Variants in NAPSA observed in about 807,000 individuals in gnomAD.
NAPSA encodes napsin A aspartic peptidase.
A neutral mutation model predicts 36.7 loss-of-function variants in NAPSA; 37 were observed. That is an observed-to-expected ratio of 1.01 (90% CI 0.78 to 1.33). NAPSA has a LOEUF of 1.33. Among genes scored for constraint, NAPSA ranks in the 40% most tolerant of loss-of-function variants. The probability of loss-of-function intolerance (pLI) is 0.00; values close to 1 mark genes in which losing one functional copy is unlikely to be tolerated. For synonymous variants in NAPSA, 222 were observed against 234.5 expected, an observed-to-expected ratio of 0.95 and a Z score of 0.49; for missense variants, 532 against 543.8, an observed-to-expected ratio of 0.98 and a Z score of 0.21.
chr19:50,361,644 A>C lies in NAPSA; in HGVS notation c.468+19T>G. 6.3e-7 allele frequency: 1 copy of C among 1,589,922 alleles called. No individual in the cohort carries two copies. Among genetic ancestry groups the C allele is most frequent in the East Asian group, 2.2e-5 (1 of 44,734 alleles). ...GGTTCTCCCAGGCTCAAGACTTCTG[A>C]GAGTCAAAGGCCACTCACAGTCAGC... On this transcript the variant is annotated intron_variant, in intron 4 of 8. Transcript: ENST00000253719.
At chr19:50,362,121 G>C (rs1224822772) in intron 2 of NAPSA, 29 bp from the exon 3 acceptor site, 5 of 1,613,750 alleles carry the variant, frequency 3.1e-6, no homozygotes, top group Non-Finnish European at 4.2e-6. Context: ...AGTAAACGAA[G>C]AGTTTGGCTC....
chr19:50,369,248 C>T (rs1317064186), upstream of NAPSA: 1 of 152,190 alleles, frequency 6.6e-6, no homozygotes, highest in Admixed American at 6.5e-5. Context: ...AGGAGGCAGC[C>T]CAGGTGCACT....
At chr19:50,368,843 T>A (rs923684161), upstream of NAPSA, among the ~76,000 whole-genome samples, 1 of 152,234 alleles carries the variant, frequency 6.6e-6, no homozygotes, top group Non-Finnish European at 1.5e-5. Context: ...TCTCCAGCTT[T>A]CCTGCTTCCG....
chr19:50,359,749 TG>T lies in NAPSA; in HGVS notation c.781del (p.His261ThrfsTer5). 6.2e-7 allele frequency: 1 copy of T among 1,614,090 alleles called. No homozygotes were observed. On this transcript the variant is annotated frameshift_variant, in exon 6 of 9. Transcript: ENST00000253719. LOFTEE classifies it high-confidence loss of function. ...AGACCAAGTCCCTCACCGCTCCATGTGGATCTGCCAGTAGGCAGGGACCGTG... is the reference window on the plus strand; with the variant it reads ...AGACCAAGTCCCTCACCGCTCCATGTGATCTGCCAGTAGGCAGGGACCGTG... ...PVTVPAYWQI[H>X]MERVKVGPGL... is the part of the protein sequence containing the mutation.
At chr19:50,358,858 C>CA in intron 8 of NAPSA, 78 bp from the exon 9 acceptor site, 1 of 1,407,032 alleles carries the variant, frequency 7.1e-7, no homozygotes, top group Non-Finnish European at 9.7e-7. Flanking sequence ...CCATCCCCCC[C>CA]ACCCTCGGGT....
At chr19:50,366,473 A>ATT (rs2037550947), upstream of NAPSA, among the ~76,000 whole-genome samples, 1 of 151,956 alleles carries the variant, frequency 6.6e-6, no homozygotes, top group South Asian at 2.1e-4. Context: ...GTTAGCTTGA[A>ATT]TTTCTTTGAG....
At chr19:50,364,740 C>G (rs2037522736) in intron 1 of NAPSA, among the ~76,000 whole-genome samples, 1 of 151,354 alleles carries the variant, frequency 6.6e-6, no homozygotes, top group Non-Finnish European at 1.5e-5. Context: ...CAGCTGTAAC[C>G]ACAGCACTTT....
At chr19:50,360,493 A>T (rs1343486941) in intron 5 of NAPSA, among the ~76,000 whole-genome samples, 1 of 152,142 alleles carries the variant, frequency 6.6e-6, no homozygotes. Flanking sequence ...TTCTGAGCAT[A>T]ATACTGAACT....
chr19:50,367,554 C>T (rs1441497107), upstream of NAPSA, among the ~76,000 whole-genome samples: 1 of 125,352 alleles, frequency 8.0e-6, no homozygotes, highest in Non-Finnish European at 1.6e-5. Flanking sequence ...CTCTCCCTCT[C>T]TCTCTCTCTC....
At chr19:50,361,369 G>GA (rs2037470489) in intron 4 of NAPSA, 13 of 585,260 alleles carry the variant, frequency 2.2e-5, no homozygotes, top group Non-Finnish European at 3.9e-5. Context: ...CCCTGCTTGA[G>GA]AAGCCCCACC....
chr19:50,359,852 C>A lies in NAPSA; in HGVS notation c.679G>T (p.Glu227Ter), dbSNP rs1263272454. 6.2e-7 allele frequency: 1 copy of A among 1,614,096 alleles called. No individual in the cohort carries two copies. The highest frequency in any genetic ancestry group is 2.2e-5 in the East Asian group (1 of 44,882). Residue 227 changes from glutamate to a stop codon, truncating the protein, a stop_gained, in exon 6 of 9, where the codon GAG becomes TAG. Coordinates refer to ENST00000253719, the MANE Select transcript of NAPSA (RefSeq NM_004851.3). LOFTEE classifies it high-confidence loss of function. ...AGGACCAGCTCTCCTCCATCAGGCTCTTCAGGGTCCCTGCAGGGGCAGAGT... is the reference window on the plus strand; with the variant it reads ...AGGACCAGCTCTCCTCCATCAGGCTATTCAGGGTCCCTGCAGGGGCAGAGT... ...FSFYLNRDPE[E>*]PDGGELVLGG...
upstream of NAPSA, among the ~76,000 whole-genome samples, chr19:50,368,418 G>A (rs147688851): frequency 5.3e-4 from 80 of 152,246 alleles, no homozygotes; most frequent in African/African-American, 1.8e-3. Context: ...CTTGAGCCTA[G>A]GAGGCTGAAG....
At chr19:50,365,715 AAGG>A, upstream of NAPSA, 1 of 1,044,776 alleles carries the variant, frequency 9.6e-7, no homozygotes, top group Non-Finnish European at 1.4e-6. Flanking sequence ...CCAGGTTTAG[AAGG>A]AGACCAGGAC....
At chr19:50,359,132 G>A (rs2123604892) in intron 7 of NAPSA, 23 bp from the exon 8 acceptor site, 1 of 1,576,852 alleles carries the variant, frequency 6.3e-7, no homozygotes, top group African/African-American at 1.3e-5. Flanking sequence ...AGGAACTAGT[G>A]AAGATGAGAG....
At position 50,358,899 on chromosome 19, in the gene NAPSA, C is replaced by T. The variant is rs147288029; in HGVS notation, c.1035+112G>A. ...GATGTTCGCCAACAAACTGCCATCACAGGGAAAAGAAATGTTTCTGTGGCC... is the reference window on the plus strand; with the variant it reads ...GATGTTCGCCAACAAACTGCCATCATAGGGAAAAGAAATGTTTCTGTGGCC... On this transcript the variant is annotated intron_variant, in intron 8 of 8. Coordinates refer to ENST00000253719, the MANE Select transcript of NAPSA (RefSeq NM_004851.3). The T allele has an allele frequency of 1.7e-3, 2,242 of 1,338,524 alleles. 4 individuals carry two copies. The highest frequency in any genetic ancestry group is 2.1e-3 in the Non-Finnish European group (1,999 of 966,914). 82.9% of individuals were successfully genotyped at this position (1,338,524 alleles called of 1,614,324 possible). A position where few individuals can be genotyped will look rare whatever the true frequency, so the allele number is the denominator to read the frequency against.
At chr19:50,368,701 C>G (rs2037579509), upstream of NAPSA, among the ~76,000 whole-genome samples, 1 of 152,154 alleles carries the variant, frequency 6.6e-6, no homozygotes, top group South Asian at 2.1e-4. Flanking sequence ...CCCAAGCGCC[C>G]TTAAGTAGTT....
At chr19:50,364,614 CAAAAAAAAAAAA>C (rs34476647) in intron 1 of NAPSA, among the ~76,000 whole-genome samples, 2 of 39,048 alleles carry the variant, frequency 5.1e-5, no homozygotes, top group African/African-American at 1.9e-4. Context: ...GACTCAGTCT[CAAAAAAAAAAAA>C]AAAAAAAAAG....
upstream of NAPSA, among the ~76,000 whole-genome samples, chr19:50,366,646 GTTA>G (rs1182960147): frequency 6.9e-5 from 10 of 144,944 alleles, no homozygotes; most frequent in Admixed American, 2.1e-4. Context: ...GCATTGATGA[GTTA>G]TTTATTTATT....
intron 4 of NAPSA, 109 bp from the exon 5 acceptor site, chr19:50,361,249 C>T (rs948819632): frequency 1.1e-5 from 10 of 881,544 alleles, no homozygotes; most frequent in African/African-American, 1.7e-5. Context: ...CTTCTGGATG[C>T]AAGCCCCAAC....
Sources: allele counts gnomAD v4.1 joint callset (sites outside exome capture counted in the v4.1 genomes callset), GRCh38; gene constraint gnomAD v4.1.1; transcripts MANE v1.5; gene names NCBI Gene and HGNC (gene_info 2026-07-23, HGNC 2026-07-21).